Variants in KCNH1 observed in about 807,000 individuals in gnomAD.
KCNH1 encodes the protein voltage-gated delayed rectifier potassium channel KCNH1.
A neutral mutation model predicts 69.2 loss-of-function variants in KCNH1; 27 were observed. That is an observed-to-expected ratio of 0.39 (90% CI 0.29 to 0.54). The LOEUF is 0.54. KCNH1 is among the 20% of genes least tolerant of loss of function. The probability of loss-of-function intolerance (pLI) is 0.68; values close to 1 mark genes in which losing one functional copy is unlikely to be tolerated. For synonymous variants in KCNH1, 456 were observed against 487.7 expected (o/e 0.93, Z 0.86); for missense variants, 798 against 1,261.6 (o/e 0.63, Z 5.57).
chr1:211,009,175 G>T (rs555916736), intron 6 of KCNH1, among the ~76,000 whole-genome samples: 1 of 152,142 alleles, frequency 6.6e-6, no homozygotes, highest in Non-Finnish European at 1.5e-5. Flanking sequence ...TAGGTCTAAC[G>T]TTGCCAACAT....
chr1:210,770,571 C>A (rs920668361), intron 10 of KCNH1, among the ~76,000 whole-genome samples: 1 of 152,198 alleles, frequency 6.6e-6, no homozygotes, highest in Non-Finnish European at 1.5e-5. Context: ...CCGGGTTAAC[C>A]CGCTGCCTAA....
chr1:210,957,978 C>T (rs2102353171), intron 6 of KCNH1, among the ~76,000 whole-genome samples: 1 of 152,276 alleles, frequency 6.6e-6, no homozygotes, highest in South Asian at 2.1e-4. Context: ...GGTTATCTTG[C>T]TCATTAATTG....
chr1:210,871,886 A>C (rs936922680), intron 7 of KCNH1, among the ~76,000 whole-genome samples: 2 of 109,792 alleles, frequency 1.8e-5, no homozygotes, highest in Admixed American at 2.7e-4. Context: ...GGAACATCAC[A>C]CTCTGGGGAC....
chr1:210,689,128 G>T (rs1681473163), intron 10 of KCNH1, among the ~76,000 whole-genome samples: 1 of 152,236 alleles, frequency 6.6e-6, no homozygotes, highest in Non-Finnish European at 1.5e-5. Flanking sequence ...CAAGCCAACA[G>T]CCCTGAGCCT....
chr1:210,846,885 A>AC (rs1685561335), intron 7 of KCNH1, among the ~76,000 whole-genome samples: 1 of 152,196 alleles, frequency 6.6e-6, no homozygotes, highest in African/African-American at 2.4e-5. Context: ...AATTTACAAG[A>AC]AAAATCAAAC....
chr1:210,878,772 G>T (rs1027657047), intron 7 of KCNH1, among the ~76,000 whole-genome samples: 46 of 151,792 alleles, frequency 3.0e-4, no homozygotes, highest in African/African-American at 1.0e-3. Context: ...GAAAAGAAAA[G>T]AAATTATAAA....
intron 10 of KCNH1, among the ~76,000 whole-genome samples, chr1:210,767,898 C>T (rs1368893326): frequency 6.6e-6 from 1 of 152,156 alleles, no homozygotes; most frequent in Non-Finnish European, 1.5e-5. Flanking sequence ...TTACAACTTT[C>T]CTCCTCCTTC....
intron 4 of KCNH1, among the ~76,000 whole-genome samples, chr1:211,087,099 TA>T (rs1303516252): frequency 6.6e-6 from 1 of 152,170 alleles, no homozygotes; most frequent in African/African-American, 2.4e-5. Flanking sequence ...AACTTGTGTC[TA>T]TTACTATTTC....
chr1:210,982,112 G>C (rs1472727974), intron 6 of KCNH1, among the ~76,000 whole-genome samples: 1 of 151,926 alleles, frequency 6.6e-6, no homozygotes, highest in Non-Finnish European at 1.5e-5. Flanking sequence ...CTTTCAAAAA[G>C]TCAATTGCTC....
At position 210,683,258 on chromosome 1, in the gene KCNH1, G is replaced by T; in HGVS notation, c.*23C>A. 6.2e-7 allele frequency: 1 copy of T among 1,604,334 alleles called. No individual in the cohort carries two copies. Among genetic ancestry groups the T allele is most frequent in the South Asian group, 1.1e-5 (1 of 89,910 alleles). Reference sequence around the variant, plus strand: ...GGCAGGGTTGGAGGTATCTGTCTCTGACTTTTTTTTTAAATAGACCTCTCA... The same window carrying T: ...GGCAGGGTTGGAGGTATCTGTCTCTTACTTTTTTTTTAAATAGACCTCTCA... On this transcript the variant is annotated 3_prime_UTR_variant, in exon 11 of 11. Coordinates refer to ENST00000271751, the MANE Select transcript of KCNH1 (RefSeq NM_172362.3). The surrounding 1 kb of genome is among the most constrained non-coding windows in gnomAD (Gnocchi z 5.7).
intron 10 of KCNH1, among the ~76,000 whole-genome samples, chr1:210,696,690 C>T (rs1236818881): frequency 6.6e-6 from 1 of 152,218 alleles, no homozygotes; most frequent in Admixed American, 6.5e-5. Context: ...GTAATCAAGG[C>T]TTTGAATTTC....
intron 6 of KCNH1, among the ~76,000 whole-genome samples, chr1:210,984,230 T>A (rs937085118): frequency 6.6e-6 from 1 of 152,208 alleles, no homozygotes; most frequent in Non-Finnish European, 1.5e-5. Flanking sequence ...CAGCGACAAT[T>A]TGACTTCCTC....
chr1:210,903,915 C>G (rs181164110), intron 7 of KCNH1, among the ~76,000 whole-genome samples: 1 of 152,310 alleles, frequency 6.6e-6, no homozygotes, highest in African/African-American at 2.4e-5. Flanking sequence ...GATGCTCATT[C>G]TCTGCTTTCC....
intron 5 of KCNH1, among the ~76,000 whole-genome samples, chr1:211,055,534 G>A (rs142059078): frequency 1.1e-4 from 16 of 152,312 alleles, no homozygotes; most frequent in Admixed American, 2.6e-4. Flanking sequence ...TGCTGGACTC[G>A]AAGATAATGA....
intron 7 of KCNH1, among the ~76,000 whole-genome samples, chr1:210,905,641 C>A (rs1687086367): frequency 6.6e-6 from 1 of 151,418 alleles, no homozygotes. Context: ...AGCATCGTGT[C>A]TTTCATCTCA....
At chr1:210,801,284 A>G (rs547368354) in intron 8 of KCNH1, among the ~76,000 whole-genome samples, 63 of 152,282 alleles carry the variant, frequency 4.1e-4, no homozygotes, top group Non-Finnish European at 2.9e-5. Flanking sequence ...TACCACCCAC[A>G]TGCCCTGGCT....
chr1:210,749,717 G>C (rs556829828), intron 10 of KCNH1, among the ~76,000 whole-genome samples: 1 of 150,762 alleles, frequency 6.6e-6, no homozygotes, highest in Admixed American at 6.6e-5. Context: ...GAGGACCCCT[G>C]CATGACAGGA....
chr1:210,818,904 G>A (rs1684871985), intron 7 of KCNH1, among the ~76,000 whole-genome samples: 1 of 152,150 alleles, frequency 6.6e-6, no homozygotes, highest in Non-Finnish European at 1.5e-5. Context: ...ATGAGAAGTG[G>A]GTGAGCAAGT....
chr1:210,701,093 A>C (rs796535315), intron 10 of KCNH1, among the ~76,000 whole-genome samples: 15 of 152,060 alleles, frequency 9.9e-5, no homozygotes, highest in African/African-American at 3.4e-4. Flanking sequence ...GCCCGCCACC[A>C]CGCCTGGCTA....
Sources: gnomAD v4.1 joint callset for allele counts (sites outside exome capture counted in the v4.1 genomes callset) on GRCh38, gnomAD v4.1.1 for gene constraint, Gnocchi (gnomAD v3.1) non-coding constraint, MANE v1.5 for transcripts, NCBI Gene and HGNC (gene_info 2026-07-23, HGNC 2026-07-21) for gene names.